Variants in FSTL5 observed in about 807,000 individuals in gnomAD.
The protein encoded by FSTL5 is follistatin-related protein 5.
A neutral mutation model predicts 89.1 loss-of-function variants in FSTL5; 62 were observed. The ratio of observed to expected loss-of-function variants is 0.70; its 90% CI spans 0.57 to 0.86. FSTL5 has a LOEUF of 0.86. Among genes scored for constraint, FSTL5 ranks in the 40% least tolerant of loss-of-function variants. FSTL5 has a pLI of 0.00. For synonymous variants in FSTL5, 383 were observed against 346.2 expected, an observed-to-expected ratio of 1.11 and a Z score of -1.18; for missense variants, 1,057 against 1,001.6, an observed-to-expected ratio of 1.06 and a Z score of -0.75.
At chr4:162,080,381 G>C (rs1579010876) in intron 2 of FSTL5, among the ~76,000 whole-genome samples, 1 of 50,410 alleles carries the variant, frequency 2.0e-5, no homozygotes, top group Non-Finnish European at 4.1e-5. Flanking sequence ...AGGGTTTTAA[G>C]AAGGAGTGTT....
intron 6 of FSTL5, among the ~76,000 whole-genome samples, chr4:161,682,232 T>G (rs900412475): frequency 6.6e-6 from 1 of 152,188 alleles, no homozygotes; most frequent in African/African-American, 2.4e-5. Flanking sequence ...GGTGAGTGTA[T>G]GTGAAGGCCT....
chr4:161,621,301 C>A (rs954012724), intron 7 of FSTL5, among the ~76,000 whole-genome samples: 3 of 144,632 alleles, frequency 2.1e-5, no homozygotes, highest in Admixed American at 1.3e-4. Flanking sequence ...CACACACACA[C>A]ACACAAACAC....
intron 11 of FSTL5, among the ~76,000 whole-genome samples, chr4:161,509,390 T>C (rs1730584673): frequency 6.6e-6 from 1 of 152,118 alleles, no homozygotes; most frequent in Non-Finnish European, 1.5e-5. Flanking sequence ...AAAGGTGAAA[T>C]ATTTGAAGTG....
At chr4:161,885,076 T>C (rs1380256760) in intron 4 of FSTL5, among the ~76,000 whole-genome samples, 1 of 152,130 alleles carries the variant, frequency 6.6e-6, no homozygotes, top group African/African-American at 2.4e-5. Flanking sequence ...AGATAGATAT[T>C]ATCAAAAGTT....
intron 11 of FSTL5, among the ~76,000 whole-genome samples, chr4:161,505,967 C>T (rs950626586): frequency 5.9e-5 from 9 of 152,116 alleles, no homozygotes. Context: ...CTTCCCCTCC[C>T]CCCAATGCCA....
At chr4:161,450,378 CAATT>C (rs1733118670) in intron 15 of FSTL5, among the ~76,000 whole-genome samples, 2 of 151,914 alleles carry the variant, frequency 1.3e-5, no homozygotes, top group African/African-American at 2.4e-5. Flanking sequence ...AAAAATAAAA[CAATT>C]GATTATGTAA....
At chr4:161,704,613 C>T (rs572724796) in intron 6 of FSTL5, among the ~76,000 whole-genome samples, 4 of 151,970 alleles carry the variant, frequency 2.6e-5, no homozygotes, top group African/African-American at 7.2e-5. Context: ...AAGAATTTTT[C>T]GTAATCCTTT....
intron 13 of FSTL5, among the ~76,000 whole-genome samples, chr4:161,470,948 T>C (rs540614224): frequency 4.9e-4 from 75 of 152,354 alleles, no homozygotes; most frequent in African/African-American, 1.7e-3. Context: ...CCTGATACTT[T>C]ATTGAATTCA....
chr4:161,660,132 A>AT (rs1234017801), intron 6 of FSTL5, among the ~76,000 whole-genome samples: 2 of 152,008 alleles, frequency 1.3e-5, no homozygotes, highest in African/African-American at 4.8e-5. Flanking sequence ...AATTTTAATG[A>AT]TTTTTTTCTG....
At chr4:161,646,306 A>G (rs1027869239) in intron 7 of FSTL5, among the ~76,000 whole-genome samples, 1 of 149,968 alleles carries the variant, frequency 6.7e-6, no homozygotes, top group Non-Finnish European at 1.5e-5. Context: ...TATACACTTT[A>G]ACTTTATACT....
chr4:161,853,891 T>C (rs914998911), intron 4 of FSTL5, among the ~76,000 whole-genome samples: 5 of 152,148 alleles, frequency 3.3e-5, no homozygotes, highest in African/African-American at 9.7e-5. Flanking sequence ...TCACTTGCTA[T>C]GCAAAATTAG....
intron 7 of FSTL5, among the ~76,000 whole-genome samples, chr4:161,629,139 A>G (rs1735411610): frequency 1.3e-5 from 2 of 152,148 alleles, no homozygotes; most frequent in South Asian, 4.1e-4. Context: ...AGGCAGCAGA[A>G]CCCTGTGGCT....
chr4:161,454,242 A>T (rs1461811301), intron 15 of FSTL5, among the ~76,000 whole-genome samples: 4 of 152,202 alleles, frequency 2.6e-5, no homozygotes, highest in East Asian at 1.9e-4. Context: ...TAAAAGGACA[A>T]AATCTTTGTT....
At chr4:161,676,747 G>GCACGCACA (rs1553957419) in intron 6 of FSTL5, among the ~76,000 whole-genome samples, 29 of 143,266 alleles carry the variant, frequency 2.0e-4, no homozygotes, top group African/African-American at 7.3e-4. Flanking sequence ...ATACATACAC[G>GCACGCACA]CACACACACA....
At chr4:161,915,061 G>A (rs1023606101) in intron 4 of FSTL5, among the ~76,000 whole-genome samples, 1 of 152,178 alleles carries the variant, frequency 6.6e-6, no homozygotes, top group Non-Finnish European at 1.5e-5. Flanking sequence ...CACTAGATGG[G>A]AAGCCTCTGC....
At chr4:161,421,447 T>C (rs757499555) in intron 15 of FSTL5, among the ~76,000 whole-genome samples, 3 of 152,192 alleles carry the variant, frequency 2.0e-5, no homozygotes, top group African/African-American at 7.2e-5. Context: ...TTTTCAGTTC[T>C]ACACAAGATA....
chr4:161,428,977 G>A (rs770833481), intron 15 of FSTL5, among the ~76,000 whole-genome samples: 2 of 152,132 alleles, frequency 1.3e-5, no homozygotes, highest in African/African-American at 2.4e-5. Flanking sequence ...GACCTACCCT[G>A]GGCCAGGGAG....
chr4:161,933,823 T>G (rs1734358359), intron 3 of FSTL5, among the ~76,000 whole-genome samples: 1 of 152,086 alleles, frequency 6.6e-6, no homozygotes, highest in Admixed American at 6.6e-5. Flanking sequence ...ACTTACTATG[T>G]CTCCTTTTAG....
Position 162,131,308 on chromosome 4 carries a change from C to A in FSTL5, c.-16-19896G>T, listed in dbSNP as rs114719245. ...TTCACTTATAAGCCACTAATAAAGC[C>A]CTAAACATATTTTATATTAAATGAA... is the stretch of plus-strand genomic sequence containing the variant. On this transcript the variant is annotated intron_variant, in intron 1 of 15. Transcript: ENST00000306100. Among the ~76,000 whole-genome samples, 466 of 152,128 alleles carry A rather than the reference C, an allele frequency of 3.1e-3. 4 individuals carry two copies. Among genetic ancestry groups the A allele is most frequent in the African/African-American group, 0.01 (432 of 41,522 alleles).
Sources: gnomAD v4.1 joint callset for allele counts (sites outside exome capture counted in the v4.1 genomes callset) on GRCh38, gnomAD v4.1.1 for gene constraint, MANE v1.5 for transcripts, NCBI Gene and HGNC (gene_info 2026-07-23, HGNC 2026-07-21) for gene names.